Variants in INPP5F observed in about 807,000 individuals in gnomAD.
INPP5F encodes the protein inositol polyphosphate-5-phosphatase F, also known as phosphatidylinositide 4-phosphatase SAC2.
In INPP5F, 97 loss-of-function variants were observed where a neutral mutation model predicts 137.2. The observed-to-expected ratio is 0.71, with a 90% CI of 0.60 to 0.84. The LOEUF is 0.84. INPP5F is among the 40% of genes least tolerant of loss of function. The pLI is 0.00. For synonymous variants in INPP5F, 504 were observed against 476.9 expected (o/e 1.06, Z -0.74); for missense variants, 1,271 against 1,371.9 (o/e 0.93, Z 1.16).
chr10:119,782,134 T>C (rs1470820275), intron 3 of INPP5F, among the ~76,000 whole-genome samples: 1 of 152,196 alleles, frequency 6.6e-6, no homozygotes, highest in Non-Finnish European at 1.5e-5. Context: ...AAAGGAGAGC[T>C]CTTATTATAT....
intron 15 of INPP5F, among the ~76,000 whole-genome samples, chr10:119,818,311 G>A (rs892151109): frequency 6.6e-6 from 1 of 152,264 alleles, no homozygotes; most frequent in Non-Finnish European, 1.5e-5. Context: ...GCTAAGCCAA[G>A]TGGTGTTCCC....
intron 2 of INPP5F, among the ~76,000 whole-genome samples, chr10:119,767,769 A>C (rs1209257505): frequency 6.6e-6 from 1 of 152,122 alleles, no homozygotes; most frequent in Non-Finnish European, 1.5e-5. Context: ...GCTAATATCA[A>C]AGTAGACTTT....
At chr10:119,801,866 C>G (rs1409021860) in intron 9 of INPP5F, among the ~76,000 whole-genome samples, 2 of 152,216 alleles carry the variant, frequency 1.3e-5, no homozygotes, top group Non-Finnish European at 2.9e-5. Context: ...ATAACCGCCT[C>G]CCACACTCAT....
At chr10:119,807,871 A>T (rs1015712543) in intron 12 of INPP5F, 61 bp from the exon 13 acceptor site, 4 of 1,484,028 alleles carry the variant, frequency 2.7e-6, no homozygotes, top group Non-Finnish European at 3.6e-6. Context: ...TCTGCAGTAC[A>T]CATTTTTTGC....
intron 15 of INPP5F, chr10:119,815,641 TA>T: frequency 6.5e-6 from 2 of 306,040 alleles, no homozygotes; most frequent in Middle Eastern, 4.2e-4. Flanking sequence ...GACTTGGGTC[TA>T]AGGCAGAGAT....
At chr10:119,812,942 A>G (rs945703813) in intron 15 of INPP5F, among the ~76,000 whole-genome samples, 2 of 151,496 alleles carry the variant, frequency 1.3e-5, no homozygotes, top group East Asian at 3.9e-4. Context: ...GAGTACTTTT[A>G]CTTCCCATTC....
intron 14 of INPP5F, among the ~76,000 whole-genome samples, chr10:119,811,161 C>T (rs548157274): frequency 1.1e-3 from 174 of 152,336 alleles, no homozygotes; most frequent in Admixed American, 3.2e-3. Flanking sequence ...CAGCTGCATC[C>T]AGATCCTGAA....
chr10:119,771,878 A>ATATATATATATG (rs1849367275), intron 2 of INPP5F, among the ~76,000 whole-genome samples: 1 of 20,424 alleles, frequency 4.9e-5, no homozygotes, highest in African/African-American at 2.1e-4. Flanking sequence ...ATATATATAT[A>ATATATATATATG]TATATTTTTT....
At chr10:119,761,741 G>T (rs1426750562) in intron 2 of INPP5F, among the ~76,000 whole-genome samples, 1 of 152,018 alleles carries the variant, frequency 6.6e-6, no homozygotes, top group Non-Finnish European at 1.5e-5. Flanking sequence ...GTGCTAAATA[G>T]CCAATTAATA....
chr10:119,816,818 G>T (rs555838693), intron 15 of INPP5F, among the ~76,000 whole-genome samples: 2 of 152,270 alleles, frequency 1.3e-5, no homozygotes, highest in African/African-American at 4.8e-5. Flanking sequence ...TGGAATATGT[G>T]TGTGTGTTTA....
chr10:119,748,564 C>G lies in INPP5F; in HGVS notation c.98-2512C>G, dbSNP rs1341979583. On this transcript the variant is annotated intron_variant, in intron 1 of 19. Transcript: ENST00000650623. This position sits in a 1 kb window ranked among gnomAD's most constrained non-coding sequence, Gnocchi z 4.7. Reference sequence around the variant, plus strand: ...AGCTTCATTGAGCCCCAGAAGAGCTCTCAGGAGACCTGAAGTGGGTAGCTC... The same window carrying G: ...AGCTTCATTGAGCCCCAGAAGAGCTGTCAGGAGACCTGAAGTGGGTAGCTC... 6.6e-6 allele frequency among the ~76,000 whole-genome samples: 1 copy of G among 152,174 alleles called. No individual in the cohort carries two copies. The highest frequency in any genetic ancestry group is 1.9e-4 in the East Asian group (1 of 5,184).
chr10:119,732,761 A>G (rs1411799377), intron 1 of INPP5F, among the ~76,000 whole-genome samples: 2 of 152,012 alleles, frequency 1.3e-5, no homozygotes, highest in Non-Finnish European at 2.9e-5. Flanking sequence ...TCAGCCTCCC[A>G]AAAGTGCTGG....
chr10:119,779,776 C>T (rs911580084), intron 2 of INPP5F, among the ~76,000 whole-genome samples: 5 of 152,282 alleles, frequency 3.3e-5, no homozygotes, highest in Admixed American at 1.3e-4. Context: ...AACTTTTCTA[C>T]TTTATAAACT....
At chr10:119,764,725 G>T (rs559647745) in intron 2 of INPP5F, among the ~76,000 whole-genome samples, 1 of 151,698 alleles carries the variant, frequency 6.6e-6, no homozygotes, top group East Asian at 1.9e-4. Flanking sequence ...GGGATTTCAG[G>T]CATGCGCCAC....
chr10:119,763,134 C>T lies in INPP5F; in HGVS notation c.178+11978C>T, dbSNP rs183642191. 4.4e-4 allele frequency among the ~76,000 whole-genome samples: 67 copies of T among 152,316 alleles called. No homozygotes were observed. The East Asian group carries it at 5.2e-3, about 12-fold the overall frequency. On this transcript the variant is annotated intron_variant, in intron 2 of 19. Coordinates refer to ENST00000650623, the MANE Select transcript of INPP5F (RefSeq NM_014937.4). ...AGAGAAATAGGAAAGAAGAAAGAGGCAGTGGAGCCCTAGTAAGTCCAAACT... is the reference window on the plus strand; with the variant it reads ...AGAGAAATAGGAAAGAAGAAAGAGGTAGTGGAGCCCTAGTAAGTCCAAACT...
At chr10:119,792,359 G>A (rs1850177419) in intron 6 of INPP5F, 146 bp downstream of exon 6, 1 of 663,028 alleles carries the variant, frequency 1.5e-6, no homozygotes, top group Non-Finnish European at 2.5e-6. Flanking sequence ...CTATGGAATG[G>A]GAATCATTTA....
At chr10:119,758,857 T>C (rs1848924095) in intron 2 of INPP5F, among the ~76,000 whole-genome samples, 1 of 152,234 alleles carries the variant, frequency 6.6e-6, no homozygotes, top group African/African-American at 2.4e-5. Context: ...GTCATTAAGA[T>C]GGTAAAGTGT....
At chr10:119,797,267 T>A (rs1850418429) in intron 7 of INPP5F, among the ~76,000 whole-genome samples, 194 bp from the exon 8 acceptor site, 1 of 152,322 alleles carries the variant, frequency 6.6e-6, no homozygotes, top group East Asian at 1.9e-4. Flanking sequence ...TCAGAGGAAC[T>A]GAGCTTCAAC....
intron 6 of INPP5F, chr10:119,793,713 C>T (rs1850227341): frequency 6.6e-6 from 1 of 152,312 alleles, no homozygotes; most frequent in South Asian, 2.1e-4. Context: ...GTGGCACGAT[C>T]TCAGCCCACT....
Sources: gnomAD v4.1 joint callset for allele counts (sites outside exome capture counted in the v4.1 genomes callset) on GRCh38, gnomAD v4.1.1 for gene constraint, Gnocchi (gnomAD v3.1) non-coding constraint, MANE v1.5 for transcripts, NCBI Gene and HGNC (gene_info 2026-07-23, HGNC 2026-07-21) for gene names.